POU3F4: variants seen among roughly 807,000 people sequenced by gnomAD.
The protein encoded by POU3F4 is POU domain, class 3, transcription factor 4.
Under a neutral mutation model 15.2 loss-of-function variants are expected in POU3F4, and 2 were observed. The observed-to-expected ratio is 0.13, with a 90% CI of 0.05 to 0.42. The LOEUF is 0.42. Among genes scored for constraint, POU3F4 ranks in the 10% least tolerant of loss-of-function variants. The pLI is 0.99. For missense variants in POU3F4, 220 were observed against 297.0 expected (o/e 0.74, Z 1.91); for synonymous variants, 158 against 133.3 (o/e 1.19, Z -1.28).
chrX:83,509,536 T>C lies in POU3F4; in HGVS notation c.*126T>C. On this transcript the variant is annotated 3_prime_UTR_variant, in exon 1 of 1. Transcript: ENST00000644024. ...CTCTCTCTCTCGTTCGCTCGCTCTCTCGTACTCTCTCTCTTTTCCCTCCTT... is the reference window on the plus strand; with the variant it reads ...CTCTCTCTCTCGTTCGCTCGCTCTCCCGTACTCTCTCTCTTTTCCCTCCTT... 1.1e-6 allele frequency: 1 copy of C among 942,801 alleles called. No homozygotes were observed. Among genetic ancestry groups the C allele is most frequent in the East Asian group, 3.4e-5 (1 of 29,401 alleles). The allele number at this position is 942,801 out of a possible 1,213,427, so 77.7% of individuals were successfully genotyped here.
chrX:83,511,236 C>T lies in POU3F4; in HGVS notation c.*1826C>T, dbSNP rs1299258758. ...AACCTGGCTAGGCTGTGTAGAGATCCCAAAAATATGCAGTTGCTGTGGCTT... is the reference window on the plus strand; with the variant it reads ...AACCTGGCTAGGCTGTGTAGAGATCTCAAAAATATGCAGTTGCTGTGGCTT... On this transcript the variant is annotated 3_prime_UTR_variant, in exon 1 of 1. Coordinates refer to ENST00000644024, the MANE Select transcript of POU3F4 (RefSeq NM_000307.5). 1 of 108,767 alleles carries T rather than the reference C, an allele frequency of 9.2e-6. No homozygotes were observed. The highest frequency in any genetic ancestry group is 3.3e-5 in the African/African-American group (1 of 29,917). The allele number at this position is 108,767 out of a possible 1,213,427, so 9.0% of individuals were successfully genotyped here. A position where few individuals can be genotyped will look rare whatever the true frequency, so the allele number is the denominator to read the frequency against.
chrX:83,508,629 C>G lies in POU3F4; in HGVS notation c.305C>G (p.Ala102Gly), dbSNP rs772013350. Residue 102 changes from alanine (A) to glycine (G), a missense_variant, in exon 1 of 1, where the codon GCC (alanine) becomes GGC (glycine). Coordinates refer to ENST00000644024, the MANE Select transcript of POU3F4 (RefSeq NM_000307.5). ...AIIHHRSPHV[A>G]HHSPHTNHPN... ...ATCCATCACCGCTCGCCACACGTAG[C>G]CCACCACTCACCGCACACTAACCAC... 18 of 1,210,040 alleles carry G rather than the reference C, an allele frequency of 1.5e-5. No homozygotes were observed. The highest frequency in any genetic ancestry group is 1.1e-4 in the Admixed American group (5 of 45,914).
At position 83,509,201 on chromosome X, in the gene POU3F4, C is replaced by T. The variant is rs780027419; in HGVS notation, c.877C>T (p.Leu293=). The T allele has an allele frequency of 2.5e-6, 3 of 1,211,833 alleles. No individual in the cohort carries two copies. The highest frequency in any genetic ancestry group is 3.4e-6 in the Non-Finnish European group (3 of 895,401). The change falls in exon 1 of 1, where the codon CTG becomes TTG. Residue 293 remains leucine (L), a synonymous_variant. Transcript: ENST00000644024. ...CATCGAGGTGAGTGTCAAGGGCGTACTGGAGACGCATTTCCTCAAGTGTCC... is the reference window on the plus strand; with the variant it reads ...CATCGAGGTGAGTGTCAAGGGCGTATTGGAGACGCATTTCCTCAAGTGTCC... ...TSIEVSVKGV[L]ETHFLKCPKP...
rs1925873755 is a variant in POU3F4, at chrX:83,509,897, A to G, written c.*487A>G. 9.6e-6 allele frequency: 1 copy of G among 103,671 alleles called. No homozygotes were observed. Among genetic ancestry groups the G allele is most frequent in the Non-Finnish European group, 2.0e-5 (1 of 50,155 alleles). 8.5% of individuals were successfully genotyped at this position (103,671 alleles called of 1,213,427 possible). On this transcript the variant is annotated 3_prime_UTR_variant, in exon 1 of 1. Coordinates refer to ENST00000644024, the MANE Select transcript of POU3F4 (RefSeq NM_000307.5). ...GCTGATCAATACATATTGTTTACTCAGAGTAAGGTTTGTTTGGTCGCTCCT... is the reference window on the plus strand; with the variant it reads ...GCTGATCAATACATATTGTTTACTCGGAGTAAGGTTTGTTTGGTCGCTCCT...
At position 83,509,595 on chromosome X, in the gene POU3F4, T is replaced by G; in HGVS notation, c.*185T>G. 1.6e-6 allele frequency: 1 copy of G among 619,950 alleles called. No homozygotes were observed. The highest frequency in any genetic ancestry group is 2.4e-6 in the Non-Finnish European group (1 of 413,251). The allele number at this position is 619,950 out of a possible 1,213,427, so 51.1% of individuals were successfully genotyped here. ...CTTTCCTTTCCCCTTTTTCTTTCCCTTCTTTTTCCCTTTCCTTTCCTTTCA... is the reference window on the plus strand; with the variant it reads ...CTTTCCTTTCCCCTTTTTCTTTCCCGTCTTTTTCCCTTTCCTTTCCTTTCA... On this transcript the variant is annotated 3_prime_UTR_variant, in exon 1 of 1. Transcript: ENST00000644024.
rs965420248 is a variant in POU3F4, at chrX:83,510,925, C to G, written c.*1515C>G. Reference sequence around the variant, plus strand: ...GGTCCATCCGCGTACCACCTCTCCCCCCATGTATATACCGCTGTCTGTGTG... The same window carrying G: ...GGTCCATCCGCGTACCACCTCTCCCGCCATGTATATACCGCTGTCTGTGTG... On this transcript the variant is annotated 3_prime_UTR_variant, in exon 1 of 1. Coordinates refer to ENST00000644024, the MANE Select transcript of POU3F4 (RefSeq NM_000307.5). The G allele has an allele frequency of 9.1e-6, 1 of 110,196 alleles. No homozygotes were observed. The highest frequency in any genetic ancestry group is 2.9e-4 in the East Asian group (1 of 3,497). 9.1% of individuals were successfully genotyped at this position (110,196 alleles called of 1,213,427 possible). A position where few individuals can be genotyped will look rare whatever the true frequency, so the allele number is the denominator to read the frequency against.
At position 83,509,437 on chromosome X, in the gene POU3F4, C is replaced by G. The variant is rs760616807; in HGVS notation, c.*27C>G. 6.4e-5 allele frequency: 76 copies of G among 1,183,297 alleles called. No individual in the cohort carries two copies. The highest frequency in any genetic ancestry group is 4.7e-4 in the South Asian group (25 of 53,669). On this transcript the variant is annotated 3_prime_UTR_variant, in exon 1 of 1. Coordinates refer to ENST00000644024, the MANE Select transcript of POU3F4 (RefSeq NM_000307.5). The stretch of plus-strand genomic sequence containing the variant: ...TGGAGGAAGCGAGGAGGCGGCCGGC[C>G]GCACTGGGAGCAGCGCGGATTTCTC...
At position 83,510,554 on chromosome X, in the gene POU3F4, A is replaced by G. The variant is rs1185216832; in HGVS notation, c.*1144A>G. The stretch of plus-strand genomic sequence containing the variant: ...AAGGATTCGGCGGCAACTCTGGGCC[A>G]AAGAGGTGGCCTGACAGTCTGGGAG... On this transcript the variant is annotated 3_prime_UTR_variant, in exon 1 of 1. Transcript: ENST00000644024. 1 of 111,551 alleles carries G rather than the reference A, an allele frequency of 9.0e-6. No homozygotes were observed. Among genetic ancestry groups the G allele is most frequent in the Non-Finnish European group, 1.9e-5 (1 of 53,025 alleles). The allele number at this position is 111,551 out of a possible 1,213,427, so 9.2% of individuals were successfully genotyped here. A position where few individuals can be genotyped will look rare whatever the true frequency, so the allele number is the denominator to read the frequency against.
At position 83,509,344 on chromosome X, in the gene POU3F4, G is replaced by T; in HGVS notation, c.1020G>T (p.Gly340=). Residue 340 remains glycine, a synonymous_variant, in exon 1 of 1, where the codon GGG becomes GGT. Coordinates refer to ENST00000644024, the MANE Select transcript of POU3F4 (RefSeq NM_000307.5). The part of the protein sequence containing the change: ...RQKEKRMTPP[G]DQQPHEVYSH... ...AAGAGAAAAGAATGACTCCGCCAGG[G>T]GATCAGCAGCCGCATGAGGTTTATT... 1 of 1,209,699 alleles carries T rather than the reference G, an allele frequency of 8.3e-7. No homozygotes were observed. The highest frequency in any genetic ancestry group is 1.1e-6 in the Non-Finnish European group (1 of 894,335).
Position 83,509,616 on chromosome X carries a change from T to C in POU3F4, c.*206T>C. 2.0e-6 allele frequency: 1 copy of C among 511,021 alleles called. No individual in the cohort carries two copies. Among genetic ancestry groups the C allele is most frequent in the Non-Finnish European group, 3.1e-6 (1 of 319,069 alleles). The allele number at this position is 511,021 out of a possible 1,213,427, so 42.1% of individuals were successfully genotyped here. ...TCCCTTCTTTTTCCCTTTCCTTTCC[T>C]TTCATTTTCTTTCCTTTCCCCTTCC... is the stretch of plus-strand genomic sequence containing the variant. On this transcript the variant is annotated 3_prime_UTR_variant, in exon 1 of 1. Coordinates refer to ENST00000644024, the MANE Select transcript of POU3F4 (RefSeq NM_000307.5).
chrX:83,508,513 C>T lies in POU3F4; in HGVS notation c.189C>T (p.Asp63=), dbSNP rs1401750267. The T allele has an allele frequency of 8.3e-7, 1 of 1,203,841 alleles. No homozygotes were observed. The highest frequency in any genetic ancestry group is 2.2e-5 in the Admixed American group (1 of 45,055). ...ATCACTGGGTGACCAGTCTGAGCGACGGGGGCCCATGGTCCTCCACACTGG... is the reference window on the plus strand; with the variant it reads ...ATCACTGGGTGACCAGTCTGAGCGATGGGGGCCCATGGTCCTCCACACTGG... The part of the protein sequence containing the change: ...LGHHWVTSLS[D]GGPWSSTLAT... The change falls in exon 1 of 1, where the codon GAC becomes GAT. Residue 63 remains aspartate, a synonymous_variant. Transcript: ENST00000644024.
chrX:83,508,760 G>C lies in POU3F4; in HGVS notation c.436G>C (p.Glu146Gln). ...TGGCTTCACCGTGAGCGGCATGCTG[G>C]AACACGGGGGACTCACCCCACCTCC... The part of the protein sequence containing the change: ...QPGFTVSGML[E>Q]HGGLTPPPAA... The change falls in exon 1 of 1, where the codon GAA becomes CAA. Residue 146 changes from glutamate (E) to glutamine (Q), a missense_variant. Physicochemically the swap from Glu to Gln is conservative, Grantham distance 29. This residue lies in a region of POU3F4 where 161 missense variants were observed against 154.1 expected (regional missense o/e 1.05). Transcript: ENST00000644024. 1 of 1,205,274 alleles carries C rather than the reference G, an allele frequency of 8.3e-7. No individual in the cohort carries two copies.
rs1474959180 is a variant in POU3F4, at chrX:83,510,504, C to G, written c.*1094C>G. 9.0e-6 allele frequency: 1 copy of G among 111,466 alleles called. No homozygotes were observed. Among genetic ancestry groups the G allele is most frequent in the African/African-American group, 3.3e-5 (1 of 30,611 alleles). 9.2% of individuals were successfully genotyped at this position (111,466 alleles called of 1,213,427 possible). A position where few individuals can be genotyped will look rare whatever the true frequency, so the allele number is the denominator to read the frequency against. ...GAAGTGTGGAGCCCGCGCAGGCTAC[C>G]GCAGCATAGATCGAGGTATCTGAGA... On this transcript the variant is annotated 3_prime_UTR_variant, in exon 1 of 1. Coordinates refer to ENST00000644024, the MANE Select transcript of POU3F4 (RefSeq NM_000307.5).
rs1477933510 is a variant in POU3F4 at position 83,508,415 on chromosome X, T to G, written c.91T>G (p.Phe31Val). 2 of 1,210,266 alleles carry G rather than the reference T, an allele frequency of 1.7e-6. No individual in the cohort carries two copies. The highest frequency in any genetic ancestry group is 3.5e-5 in the African/African-American group (2 of 57,338). The change falls in exon 1 of 1, where the codon TTC (phenylalanine) becomes GTC (valine). Residue 31 changes from phenylalanine to valine, a missense_variant. By Grantham distance (50) the Phe-to-Val change is conservative. Coordinates refer to ENST00000644024, the MANE Select transcript of POU3F4 (RefSeq NM_000307.5). ...TGCGGGCATGCAGCAGGGGAGTCCT[T>G]TCCGCAACCCTCAGAAACTTCTCCA... Reference protein sequence around the residue: ...DSAGMQQGSPFRNPQKLLQSD... With the variant: ...DSAGMQQGSPVRNPQKLLQSD...
rs201213510 is a variant in POU3F4 at position 83,509,432 on chromosome X, C to T, written c.*22C>T. 3 of 1,187,347 alleles carry T rather than the reference C, an allele frequency of 2.5e-6. No homozygotes were observed. Among genetic ancestry groups the T allele is most frequent in the Non-Finnish European group, 3.4e-6 (3 of 882,754 alleles). On this transcript the variant is annotated 3_prime_UTR_variant, in exon 1 of 1. Transcript: ENST00000644024. Reference sequence around the variant, plus strand: ...CTGACTGGAGGAAGCGAGGAGGCGGCCGGCCGCACTGGGAGCAGCGCGGAT... The same window carrying T: ...CTGACTGGAGGAAGCGAGGAGGCGGTCGGCCGCACTGGGAGCAGCGCGGAT...
Position 83,508,815 on chromosome X carries a change from C to G in POU3F4, c.491C>G (p.Pro164Arg). ...GCCGCCTCTGCACAGAGCCTGCACC[C>G]GGTGCTCCGAGAGCCCCCGGATCAC... ...PAAASAQSLH[P>R]VLREPPDHGE... is the part of the protein sequence containing the mutation. The change falls in exon 1 of 1, where the codon CCG becomes CGG. Residue 164 changes from proline (P) to arginine (R), a missense_variant. Transcript: ENST00000644024. 8.3e-7 allele frequency: 1 copy of G among 1,206,579 alleles called. No homozygotes were observed. The highest frequency in any genetic ancestry group is 1.1e-6 in the Non-Finnish European group (1 of 892,687).
Position 83,509,183 on chromosome X carries a change from G to T in POU3F4, c.859G>T (p.Val287Leu). The part of the protein sequence containing the change: ...RKRKKRTSIE[V>L]SVKGVLETHF... ...GCGCAAGAAGCGGACCTCCATCGAG[G>T]TGAGTGTCAAGGGCGTACTGGAGAC... Residue 287 changes from valine (V) to leucine (L), a missense_variant, in exon 1 of 1, where the codon GTG (valine) becomes TTG (leucine). Physicochemically the swap from Val to Leu is conservative, Grantham distance 32. Transcript: ENST00000644024. The T allele has an allele frequency of 4.1e-6, 5 of 1,211,788 alleles. No individual in the cohort carries two copies. The highest frequency in any genetic ancestry group is 5.6e-6 in the Non-Finnish European group (5 of 895,303).
At position 83,509,563 on chromosome X, in the gene POU3F4, C is replaced by T. The variant is rs769942921; in HGVS notation, c.*153C>T. 3 of 802,352 alleles carry T rather than the reference C, an allele frequency of 3.7e-6. No homozygotes were observed. Among genetic ancestry groups the T allele is most frequent in the African/African-American group, 2.1e-5 (1 of 46,757 alleles). 66.1% of individuals were successfully genotyped at this position (802,352 alleles called of 1,213,427 possible). On this transcript the variant is annotated 3_prime_UTR_variant, in exon 1 of 1. Coordinates refer to ENST00000644024, the MANE Select transcript of POU3F4 (RefSeq NM_000307.5). ...GTACTCTCTCTCTTTTCCCTCCTTTCCTTTTTCTTTCCTTTCCCCTTTTTC... is the reference window on the plus strand; with the variant it reads ...GTACTCTCTCTCTTTTCCCTCCTTTTCTTTTTCTTTCCTTTCCCCTTTTTC...
In POU3F4 at chrX:83,509,566, T is replaced by G; in HGVS notation, c.*156T>G. ...CTCTCTCTCTTTTCCCTCCTTTCCT[T>G]TTTCTTTCCTTTCCCCTTTTTCTTT... On this transcript the variant is annotated 3_prime_UTR_variant, in exon 1 of 1. Transcript: ENST00000644024. The G allele has an allele frequency of 1.3e-6, 1 of 761,089 alleles. No individual in the cohort carries two copies. Among genetic ancestry groups the G allele is most frequent in the Non-Finnish European group, 1.9e-6 (1 of 536,970 alleles). The allele number at this position is 761,089 out of a possible 1,213,427, so 62.7% of individuals were successfully genotyped here.
Sources: gnomAD v4.1 joint callset for allele counts on GRCh38, gnomAD v4.1.1 for gene constraint, gnomAD v4.1.1 regional missense constraint, MANE v1.5 for transcripts, NCBI Gene and HGNC (gene_info 2026-07-23, HGNC 2026-07-21) for gene names.